Variants in ERC2 observed in about 807,000 individuals in gnomAD.
ERC2 encodes ELKS/RAB6-interacting/CAST family member 2, also known as ERC protein 2.
A neutral mutation model predicts 114.8 loss-of-function variants in ERC2; 42 were observed. The ratio of observed to expected loss-of-function variants is 0.37; its 90% CI spans 0.29 to 0.47. The LOEUF (loss-of-function observed/expected upper bound fraction) is 0.47. Among genes scored for constraint, ERC2 ranks in the 20% least tolerant of loss-of-function variants. The pLI is 0.99. For missense variants in ERC2, 939 were observed against 1,150.7 expected, an observed-to-expected ratio of 0.82 and a Z score of 2.66; for synonymous variants, 454 against 425.5, an observed-to-expected ratio of 1.07 and a Z score of -0.82.
At chr3:56,217,862 A>G (rs949589472) in intron 3 of ERC2, among the ~76,000 whole-genome samples, 5 of 152,140 alleles carry the variant, frequency 3.3e-5, no homozygotes, top group Non-Finnish European at 5.9e-5. Flanking sequence ...GATCTTTGAC[A>G]AACCTGACAA....
intron 4 of ERC2, among the ~76,000 whole-genome samples, chr3:56,170,739 G>A (rs905580008): frequency 2.2e-4 from 33 of 147,616 alleles, no homozygotes; most frequent in Non-Finnish European, 4.2e-4. Flanking sequence ...TGGGATTACA[G>A]CTGCCCGCCA....
intron 2 of ERC2, among the ~76,000 whole-genome samples, chr3:56,345,339 A>G (rs1350109823): frequency 2.0e-5 from 3 of 152,230 alleles, no homozygotes; most frequent in African/African-American, 7.2e-5. Flanking sequence ...AGACAGGCAT[A>G]GCCCTACTCT....
At chr3:55,752,686 TAAGAA>T (rs754392751) in intron 14 of ERC2, among the ~76,000 whole-genome samples, 28 of 152,176 alleles carry the variant, frequency 1.8e-4, no homozygotes, top group Non-Finnish European at 3.4e-4. Flanking sequence ...ATTTGACAGA[TAAGAA>T]AAGAGAGGCA....
intron 7 of ERC2, among the ~76,000 whole-genome samples, chr3:56,057,938 T>C (rs1292316036): frequency 1.3e-5 from 2 of 152,214 alleles, no homozygotes; most frequent in African/African-American, 4.8e-5. Flanking sequence ...TATTCAAATA[T>C]GAGAATTTTA....
intron 17 of ERC2, among the ~76,000 whole-genome samples, chr3:55,683,506 C>T (rs2062161381): frequency 6.6e-6 from 1 of 152,084 alleles, no homozygotes; most frequent in African/African-American, 2.4e-5. Flanking sequence ...GTGTATAAAT[C>T]CTAGTAAGGG....
chr3:56,084,909 C>T (rs146207767), intron 6 of ERC2, among the ~76,000 whole-genome samples: 1 of 148,456 alleles, frequency 6.7e-6, no homozygotes, highest in Non-Finnish European at 1.5e-5. Flanking sequence ...CAGAGGGTGG[C>T]ATTTAAAAGA....
At chr3:56,314,094 C>G (rs894452305) in intron 2 of ERC2, among the ~76,000 whole-genome samples, 1 of 152,214 alleles carries the variant, frequency 6.6e-6, no homozygotes, top group East Asian at 1.9e-4. Context: ...ATTTGATTTA[C>G]TATCCCAAAT....
rs554526502 is a variant in ERC2, at chr3:56,226,581, A to T, written c.1075-53061T>A. ...TCTGTCTCTCTCTCTATATATATAC[A>T]TAAAAAGACAGGAAAGAGATGTGAA... On this transcript the variant is annotated intron_variant, in intron 3 of 17. Coordinates refer to ENST00000288221, the MANE Select transcript of ERC2 (RefSeq NM_015576.3). 2.6e-5 allele frequency among the ~76,000 whole-genome samples: 4 copies of T among 152,234 alleles called. No individual in the cohort carries two copies. In the South Asian group the frequency reaches 8.3e-4, roughly 32 times the overall value.
At chr3:56,163,612 C>A (rs1176034560) in intron 4 of ERC2, among the ~76,000 whole-genome samples, 2 of 151,976 alleles carry the variant, frequency 1.3e-5, no homozygotes, top group African/African-American at 4.8e-5. Flanking sequence ...TTATGTAATG[C>A]CTTTCTTTGT....
intron 17 of ERC2, among the ~76,000 whole-genome samples, chr3:55,652,156 G>A (rs2060651736): frequency 6.6e-6 from 1 of 152,122 alleles, no homozygotes; most frequent in African/African-American, 2.4e-5. Flanking sequence ...AATGTAAATA[G>A]GACACATCTG....
intron 7 of ERC2, among the ~76,000 whole-genome samples, chr3:56,027,440 T>C: frequency 6.6e-6 from 1 of 152,208 alleles, no homozygotes; most frequent in East Asian, 1.9e-4. Flanking sequence ...TCATCAACAG[T>C]GTGTGAATGA....
chr3:56,053,115 C>A (rs77889625), intron 7 of ERC2, among the ~76,000 whole-genome samples: 170 of 152,328 alleles, frequency 1.1e-3, no homozygotes, highest in Admixed American at 1.8e-3. Context: ...AAGCCTGATG[C>A]TCCACTTTCT....
chr3:56,379,186 G>A (rs896706942), intron 2 of ERC2, among the ~76,000 whole-genome samples: 5 of 152,140 alleles, frequency 3.3e-5, no homozygotes, highest in African/African-American at 1.2e-4. Context: ...TGGCTACTGA[G>A]TATTGAGTAT....
intron 3 of ERC2, among the ~76,000 whole-genome samples, chr3:56,215,447 C>A (rs1283955901): frequency 6.6e-6 from 1 of 152,186 alleles, no homozygotes; most frequent in Non-Finnish European, 1.5e-5. Context: ...AGCTATCTAT[C>A]CTAAATATAT....
intron 3 of ERC2, among the ~76,000 whole-genome samples, chr3:56,278,220 C>T (rs1468426076): frequency 6.6e-6 from 1 of 152,160 alleles, no homozygotes; most frequent in African/African-American, 2.4e-5. Context: ...GTGGGATCAA[C>T]AGTATTCAAT....
At chr3:55,519,557 G>C (rs2052758070) in intron 17 of ERC2, among the ~76,000 whole-genome samples, 1 of 152,154 alleles carries the variant, frequency 6.6e-6, no homozygotes, top group Non-Finnish European at 1.5e-5. Flanking sequence ...TACCATGAAA[G>C]TGTCCAGATA....
At chr3:56,115,015 C>T (rs1442373395) in intron 6 of ERC2, among the ~76,000 whole-genome samples, 2 of 152,160 alleles carry the variant, frequency 1.3e-5, no homozygotes, top group African/African-American at 4.8e-5. Flanking sequence ...GATAACAACA[C>T]TATGTCAAAC....
intron 17 of ERC2, among the ~76,000 whole-genome samples, chr3:55,517,440 CCG>C (rs2052597525): frequency 1.1e-5 from 1 of 88,654 alleles, no homozygotes; most frequent in Non-Finnish European, 2.2e-5. Flanking sequence ...GAGTAAGACT[CCG>C]TCTCAAAAAA....
At chr3:56,196,649 T>C (rs1287873213) in intron 3 of ERC2, among the ~76,000 whole-genome samples, 1 of 152,216 alleles carries the variant, frequency 6.6e-6, no homozygotes, top group Non-Finnish European at 1.5e-5. Flanking sequence ...TACAGTGGTA[T>C]AATTTTCCTG....
Sources: allele counts gnomAD v4.1 joint callset (sites outside exome capture counted in the v4.1 genomes callset), GRCh38; gene constraint gnomAD v4.1.1; transcripts MANE v1.5; gene names NCBI Gene and HGNC (gene_info 2026-07-23, HGNC 2026-07-21).